The following NCOA1 variants were observed in gnomAD, a reference collection of about 807,000 sequenced individuals.
The protein encoded by NCOA1 is nuclear receptor coactivator 1, also known as Hin-2 protein.
NCOA1 carries 35 observed loss-of-function variants against 150.9 expected under a neutral mutation model. The ratio of observed to expected loss-of-function variants is 0.23; its 90% confidence interval spans 0.18 to 0.31. NCOA1 has a LOEUF of 0.31. Among genes scored for constraint, NCOA1 ranks in the 10% least tolerant of loss-of-function variants. The pLI is 1.00. For synonymous variants in NCOA1, 590 were observed against 630.0 expected (o/e 0.94, Z 0.95); for missense variants, 1,491 against 1,749.3 (o/e 0.85, Z 2.63).
intron 17 of NCOA1, among the ~76,000 whole-genome samples, chr2:24,737,323 A>G (rs1663364535): frequency 6.6e-6 from 1 of 152,166 alleles, no homozygotes; most frequent in African/African-American, 2.4e-5. Flanking sequence ...CAAGGGGAGG[A>G]AAAAATGAAC....
chr2:24,708,374 C>T (rs1673568039), intron 13 of NCOA1, among the ~76,000 whole-genome samples: 1 of 152,090 alleles, frequency 6.6e-6, no homozygotes, highest in African/African-American at 2.4e-5. Flanking sequence ...CTGATTCTGA[C>T]CACCCTCAGC....
intron 3 of NCOA1, among the ~76,000 whole-genome samples, chr2:24,631,735 G>A (rs181909048): frequency 6.6e-6 from 1 of 152,280 alleles, no homozygotes; most frequent in Admixed American, 6.5e-5. Flanking sequence ...AATGGTGTCA[G>A]CTTGTGTGTA....
At chr2:24,662,657 C>A (rs959103910) in intron 5 of NCOA1, among the ~76,000 whole-genome samples, 10 of 152,010 alleles carry the variant, frequency 6.6e-5, no homozygotes, top group African/African-American at 2.4e-4. Context: ...AATATAAAAC[C>A]CTGGAAAGTA....
chr2:24,552,506 C>T (rs1250234036), intron 1 of NCOA1, among the ~76,000 whole-genome samples: 5 of 150,824 alleles, frequency 3.3e-5, no homozygotes, highest in Non-Finnish European at 5.9e-5. Context: ...GCTGGGACTA[C>T]AGGCATGTGC....
At chr2:24,686,492 T>G (rs1465961367) in intron 8 of NCOA1, among the ~76,000 whole-genome samples, 2 of 152,222 alleles carry the variant, frequency 1.3e-5, no homozygotes, top group Admixed American at 1.3e-4. Flanking sequence ...GGCATGCTGC[T>G]TTCTAGCTAG....
intron 3 of NCOA1, among the ~76,000 whole-genome samples, chr2:24,596,230 C>T (rs1667879660): frequency 6.6e-6 from 1 of 152,060 alleles, no homozygotes; most frequent in African/African-American, 2.4e-5. Flanking sequence ...CACCAAGATT[C>T]TGTGATTAAG....
chr2:24,641,484 T>C (rs577387477), intron 3 of NCOA1, among the ~76,000 whole-genome samples: 229 of 152,230 alleles, frequency 1.5e-3, no homozygotes, highest in African/African-American at 5.4e-3. Context: ...TGACTTTATC[T>C]AGCATCATCT....
intron 1 of NCOA1, among the ~76,000 whole-genome samples, chr2:24,544,808 A>T (rs1221783725): frequency 6.6e-6 from 1 of 152,188 alleles, no homozygotes; most frequent in Non-Finnish European, 1.5e-5. Context: ...AATTCAGTAG[A>T]GTGTGAGCTA....
intron 11 of NCOA1, among the ~76,000 whole-genome samples, chr2:24,704,277 G>A (rs893516665): frequency 4.6e-5 from 7 of 152,068 alleles, no homozygotes; most frequent in African/African-American, 9.7e-5. Context: ...TTGAATATTA[G>A]TTAAGGAACT....
chr2:24,655,673 C>G (rs1198203520), intron 4 of NCOA1, among the ~76,000 whole-genome samples: 1 of 152,004 alleles, frequency 6.6e-6, no homozygotes, highest in Non-Finnish European at 1.5e-5. Context: ...GAGGACAAGA[C>G]CGGAAACAGG....
At chr2:24,590,310 C>G (rs1667603631) in intron 3 of NCOA1, among the ~76,000 whole-genome samples, 1 of 152,130 alleles carries the variant, frequency 6.6e-6, no homozygotes, top group African/African-American at 2.4e-5. Context: ...ACTCTCAGTA[C>G]TCCCGTTTCT....
At chr2:24,661,376 T>G (rs1671176749) in intron 5 of NCOA1, among the ~76,000 whole-genome samples, 1 of 152,202 alleles carries the variant, frequency 6.6e-6, no homozygotes, top group Non-Finnish European at 1.5e-5. Flanking sequence ...TTTTATTTTT[T>G]GTTTCTAAGA....
At position 24,697,812 on chromosome 2, in the gene NCOA1, T is replaced by C. The variant is rs747824174; in HGVS notation, c.949+14T>C. The C allele has an allele frequency of 3.1e-6, 5 of 1,608,838 alleles. No individual in the cohort carries two copies. The Admixed American group carries it at 6.7e-5, about 22-fold the overall frequency. On this transcript the variant is annotated intron_variant, in intron 11 of 22. Coordinates refer to ENST00000348332, the MANE Select transcript of NCOA1 (RefSeq NM_003743.5). ...TGTTCCAAGAAGGTAAAATTTTCTC[T>C]CTCAATTATTTTCATTAACCCTTAT...
chr2:24,684,138 A>T (rs1482300717), intron 8 of NCOA1, among the ~76,000 whole-genome samples: 2 of 152,186 alleles, frequency 1.3e-5, no homozygotes, highest in Admixed American at 1.3e-4. Context: ...ACTATAGGTA[A>T]TACTTAATTA....
intron 10 of NCOA1, among the ~76,000 whole-genome samples, chr2:24,697,337 G>C (rs1672953044): frequency 6.6e-6 from 1 of 152,160 alleles, no homozygotes. Context: ...TATACAGAGA[G>C]CAGAATCCAA....
chr2:24,712,733 A>G (rs556230275), intron 14 of NCOA1, among the ~76,000 whole-genome samples: 20 of 152,204 alleles, frequency 1.3e-4, no homozygotes, highest in Non-Finnish European at 2.8e-4. Context: ...ATGGAAAGGG[A>G]AAAAAAGGGA....
intron 3 of NCOA1, among the ~76,000 whole-genome samples, chr2:24,591,047 G>C (rs1181782278): frequency 1.3e-5 from 2 of 152,096 alleles, no homozygotes; most frequent in East Asian, 3.8e-4. Flanking sequence ...TCAAAATTTA[G>C]ATAATTGTCT....
intron 19 of NCOA1, among the ~76,000 whole-genome samples, chr2:24,743,641 G>A (rs940296761): frequency 5.9e-5 from 9 of 152,178 alleles, no homozygotes; most frequent in Non-Finnish European, 7.4e-5. Context: ...CAGAGAATTT[G>A]ACAAAGCTTT....
At chr2:24,701,493 T>G (rs1673156439) in intron 11 of NCOA1, among the ~76,000 whole-genome samples, 3 of 139,110 alleles carry the variant, frequency 2.2e-5, no homozygotes, top group African/African-American at 5.3e-5. Context: ...GGTGACAGAG[T>G]GAGACACTGT....
Sources: allele counts gnomAD v4.1 joint callset (sites outside exome capture counted in the v4.1 genomes callset), GRCh38; gene constraint gnomAD v4.1.1; transcripts MANE v1.5; gene names NCBI Gene and HGNC (gene_info 2026-07-23, HGNC 2026-07-21).